GRID1: variants seen among roughly 807,000 people sequenced by gnomAD.
The protein encoded by GRID1 is glutamate ionotropic receptor delta type subunit 1.
Under a neutral mutation model 98.0 loss-of-function variants are expected in GRID1, and 28 were observed. The ratio of observed to expected loss-of-function variants is 0.29; its 90% CI spans 0.21 to 0.39. GRID1 has a LOEUF of 0.39. Ranked by LOEUF, GRID1 falls within the 10% of genes least tolerant of loss-of-function variation. The pLI, the probability that GRID1 is intolerant of heterozygous loss-of-function variation, is 1.00. For missense variants in GRID1, 1,111 were observed against 1,340.5 expected, an observed-to-expected ratio of 0.83 and a Z score of 2.67; for synonymous variants, 553 against 538.5, an observed-to-expected ratio of 1.03 and a Z score of -0.37.
intron 4 of GRID1, among the ~76,000 whole-genome samples, chr10:86,115,981 CA>C (rs557309426): frequency 1.3e-5 from 2 of 152,276 alleles, no homozygotes; most frequent in East Asian, 1.9e-4. Flanking sequence ...TTGCATTCGG[CA>C]CAGTCCCATG....
At chr10:86,107,070 C>A (rs1218551955) in intron 4 of GRID1, among the ~76,000 whole-genome samples, 1 of 152,174 alleles carries the variant, frequency 6.6e-6, no homozygotes, top group Non-Finnish European at 1.5e-5. Flanking sequence ...TCCTGCATGA[C>A]AAGTCTAGGA....
chr10:85,862,737 T>A (rs911914462), intron 6 of GRID1, among the ~76,000 whole-genome samples: 1 of 152,218 alleles, frequency 6.6e-6, no homozygotes, highest in Admixed American at 6.5e-5. Flanking sequence ...ATAGATTTTT[T>A]AAAAAGTTAT....
intron 4 of GRID1, among the ~76,000 whole-genome samples, chr10:85,978,222 G>T (rs1210904598): frequency 6.6e-6 from 1 of 152,064 alleles, no homozygotes; most frequent in East Asian, 1.9e-4. Context: ...GGGGTTCAGG[G>T]TCAACACCAT....
At chr10:85,683,727 T>A (rs1737846143) in intron 12 of GRID1, among the ~76,000 whole-genome samples, 1 of 152,296 alleles carries the variant, frequency 6.6e-6, no homozygotes, top group Middle Eastern at 3.4e-3. Context: ...ACTAAATCCA[T>A]ATTTTGAAAC....
Position 86,253,659 on chromosome 10 carries a change from G to A in GRID1, c.236-47011C>T, listed in dbSNP as rs146452286. Among the ~76,000 whole-genome samples the A allele has an allele frequency of 2.4e-4, 36 of 152,268 alleles. No homozygotes were observed. In the East Asian group the frequency reaches 3.7e-3, roughly 16 times the overall value. ...TGGGAGGACAAGAAGGCCAGGCCCC[G>A]AGGGCATCAGGAAAGGGGATCAGGA... On this transcript the variant is annotated intron_variant, in intron 2 of 15. Coordinates refer to ENST00000327946, the MANE Select transcript of GRID1 (RefSeq NM_017551.3).
chr10:85,744,637 T>G (rs1464970334), intron 8 of GRID1, among the ~76,000 whole-genome samples: 1 of 105,656 alleles, frequency 9.5e-6, no homozygotes, highest in African/African-American at 3.9e-5. Flanking sequence ...AACCTAGGCA[T>G]TACCATTCAG....
intron 4 of GRID1, among the ~76,000 whole-genome samples, chr10:85,953,408 A>G (rs1015278073): frequency 2.0e-5 from 3 of 152,142 alleles, no homozygotes. Context: ...AAAATAACTA[A>G]TGGGTACTAG....
At chr10:86,309,709 C>T (rs543216025) in intron 2 of GRID1, among the ~76,000 whole-genome samples, 45 of 152,226 alleles carry the variant, frequency 3.0e-4, no homozygotes, top group African/African-American at 1.0e-3. Flanking sequence ...TGGTCACTGC[C>T]GTCAAAGAAC....
At chr10:85,834,415 C>T (rs1187626897) in intron 8 of GRID1, among the ~76,000 whole-genome samples, 1 of 151,982 alleles carries the variant, frequency 6.6e-6, no homozygotes, top group Non-Finnish European at 1.5e-5. Flanking sequence ...GAAGGAAGAC[C>T]AAAAGAATAT....
At chr10:85,691,102 A>C (rs1320075548) in intron 12 of GRID1, among the ~76,000 whole-genome samples, 1 of 152,220 alleles carries the variant, frequency 6.6e-6, no homozygotes, top group Non-Finnish European at 1.5e-5. Context: ...TAAGACTGAG[A>C]TCCATAAAGT....
rs995464639 is a variant in GRID1, at chr10:86,206,325, G to A, written c.520+39C>T. 1 of 1,558,788 alleles carries A rather than the reference G, an allele frequency of 6.4e-7. No individual in the cohort carries two copies. Among genetic ancestry groups the A allele is most frequent in the Admixed American group, 1.7e-5 (1 of 58,120 alleles). On this transcript the variant is annotated intron_variant, in intron 3 of 15. Coordinates refer to ENST00000327946, the MANE Select transcript of GRID1 (RefSeq NM_017551.3). The surrounding 1 kb of genome is among the most constrained non-coding windows in gnomAD (Gnocchi z 4.1). ...GGTCTCCCAGCATCTGGCCATCCCT[G>A]TCCCCAAGCAGCCCCAGCTCGCCTG...
intron 12 of GRID1, among the ~76,000 whole-genome samples, chr10:85,661,181 T>G (rs1345460216): frequency 1.3e-5 from 2 of 151,974 alleles, no homozygotes; most frequent in Non-Finnish European, 2.9e-5. Flanking sequence ...TTTTTTTTTT[T>G]TTTAGCCCGG....
chr10:85,769,879 C>A (rs1842239186), intron 8 of GRID1, among the ~76,000 whole-genome samples: 1 of 152,230 alleles, frequency 6.6e-6, no homozygotes, highest in Non-Finnish European at 1.5e-5. Context: ...CCTCTGTAGG[C>A]TCCACCTCTG....
chr10:86,242,487 G>A (rs558693011), intron 2 of GRID1, among the ~76,000 whole-genome samples: 2 of 152,354 alleles, frequency 1.3e-5, no homozygotes, highest in African/African-American at 4.8e-5. Context: ...GCCTGCTGGT[G>A]GAGGGATGCC....
intron 3 of GRID1, among the ~76,000 whole-genome samples, chr10:86,183,397 T>C (rs1174036179): frequency 1.3e-5 from 2 of 152,168 alleles, no homozygotes; most frequent in African/African-American, 4.8e-5. Context: ...TTCACTCTTG[T>C]TGCCCAGGCC....
chr10:86,188,483 G>A (rs909715788), intron 3 of GRID1, among the ~76,000 whole-genome samples: 2 of 152,132 alleles, frequency 1.3e-5, no homozygotes, highest in African/African-American at 4.8e-5. Flanking sequence ...CTGCCAGCCC[G>A]CTGTCTAAGC....
In GRID1 at chr10:85,911,308, G is replaced by A. The variant is rs781714197; in HGVS notation, c.780+4878C>T. On this transcript the variant is annotated intron_variant, in intron 5 of 15. Transcript: ENST00000327946. ...GGATGGTGAGTTTGGAAAGAAGTACGCTGAGTTCGAGGTGGTGATGGAGCT... is the reference window on the plus strand; with the variant it reads ...GGATGGTGAGTTTGGAAAGAAGTACACTGAGTTCGAGGTGGTGATGGAGCT... Among the ~76,000 whole-genome samples the A allele has an allele frequency of 3.9e-5, 6 of 152,264 alleles. No homozygotes were observed. The Middle Eastern group carries it at 0.01, about 259-fold the overall frequency.
chr10:86,077,611 C>A (rs973790224), intron 4 of GRID1, among the ~76,000 whole-genome samples: 2 of 152,200 alleles, frequency 1.3e-5, no homozygotes, highest in African/African-American at 4.8e-5. Flanking sequence ...TCCATTCGAA[C>A]ACATATTGTG....
chr10:85,657,446 T>G (rs982774290), intron 12 of GRID1, among the ~76,000 whole-genome samples: 1 of 152,174 alleles, frequency 6.6e-6, no homozygotes, highest in African/African-American at 2.4e-5. Flanking sequence ...GACCCCTACC[T>G]ACAATAGTGA....
Sources: allele counts gnomAD v4.1 joint callset (sites outside exome capture counted in the v4.1 genomes callset), GRCh38; gene constraint gnomAD v4.1.1; non-coding constraint Gnocchi (gnomAD v3.1); transcripts MANE v1.5; gene names NCBI Gene and HGNC (gene_info 2026-07-23, HGNC 2026-07-21).